Variants in ADAMTSL1 observed in about 807,000 individuals in gnomAD.
The protein encoded by ADAMTSL1 is ADAMTS-like protein 1.
A neutral mutation model predicts 201.8 loss-of-function variants in ADAMTSL1; 126 were observed. The ratio of observed to expected loss-of-function variants is 0.62; its 90% CI spans 0.54 to 0.72. The LOEUF (loss-of-function observed/expected upper bound fraction) is 0.72. Ranked by LOEUF, ADAMTSL1 falls within the 30% of genes least tolerant of loss-of-function variation. The pLI is 0.00. For missense variants in ADAMTSL1, 2,679 were observed against 2,277.8 expected (o/e 1.18, Z -3.59); for synonymous variants, 1,121 against 903.4 (o/e 1.24, Z -4.32).
In ADAMTSL1 at chr9:18,736,853, A is replaced by T. The variant is rs186186736; in HGVS notation, c.2006+15188A>T. On this transcript the variant is annotated intron_variant, in intron 15 of 28. Transcript: ENST00000380548. ...TAAACTTTAAATGGAAGCCTACCCC[A>T]ACATTTATGCCATTTCCATAACTGT... Among the ~76,000 whole-genome samples the T allele has an allele frequency of 4.6e-5, 7 of 152,286 alleles. No individual in the cohort carries two copies. In the East Asian group the frequency reaches 1.4e-3, roughly 29 times the overall value.
intron 1 of ADAMTSL1, among the ~76,000 whole-genome samples, chr9:18,028,819 G>C (rs938116986): frequency 6.6e-6 from 1 of 152,094 alleles, no homozygotes; most frequent in East Asian, 1.9e-4. Context: ...TAGCTTGATG[G>C]GGATGGCACT....
intron 2 of ADAMTSL1, among the ~76,000 whole-genome samples, chr9:18,403,589 TA>T (rs945662105): frequency 7.2e-5 from 11 of 152,176 alleles, no homozygotes; most frequent in African/African-American, 2.7e-4. Context: ...AAACTATCAC[TA>T]AATAGGTGTT....
chr9:18,471,613 A>G (rs1353317914), upstream of ADAMTSL1, among the ~76,000 whole-genome samples: 1 of 152,158 alleles, frequency 6.6e-6, no homozygotes, highest in African/African-American at 2.4e-5. Context: ...GTAAATTTGT[A>G]ATTTCACCTG....
At chr9:17,967,289 T>C (rs894106509) in intron 1 of ADAMTSL1, among the ~76,000 whole-genome samples, 10 of 152,146 alleles carry the variant, frequency 6.6e-5, no homozygotes, top group African/African-American at 1.9e-4. Flanking sequence ...TGGCAACTTA[T>C]AGTAATTTGT....
intron 1 of ADAMTSL1, among the ~76,000 whole-genome samples, chr9:18,018,661 C>G (rs1302425037): frequency 6.6e-6 from 1 of 151,994 alleles, no homozygotes. Context: ...ATTAAACTCC[C>G]CACTCCCTCA....
At chr9:18,867,687 T>C (rs1588271520) in intron 23 of ADAMTSL1, among the ~76,000 whole-genome samples, 2 of 152,118 alleles carry the variant, frequency 1.3e-5, no homozygotes, top group Non-Finnish European at 2.9e-5. Flanking sequence ...AGTGCAGTGG[T>C]GTGATCTCAG....
At chr9:18,205,488 C>G (rs1045840712) in intron 2 of ADAMTSL1, among the ~76,000 whole-genome samples, 1 of 151,272 alleles carries the variant, frequency 6.6e-6, no homozygotes, top group African/African-American at 2.4e-5. Flanking sequence ...GAAAAAAAAA[C>G]GAAAAGTTTT....
chr9:18,862,458 C>T (rs2131421879), intron 23 of ADAMTSL1, among the ~76,000 whole-genome samples: 1 of 152,274 alleles, frequency 6.6e-6, no homozygotes, highest in Non-Finnish European at 1.5e-5. Context: ...ATAGAGTCCG[C>T]AGGTTTTCCT....
chr9:18,854,552 T>A (rs911029427), intron 23 of ADAMTSL1, among the ~76,000 whole-genome samples: 1 of 152,152 alleles, frequency 6.6e-6, no homozygotes, highest in Non-Finnish European at 1.5e-5. Flanking sequence ...CTTTTAAATT[T>A]TGAATCAAGT....
chr9:18,659,575 G>A (rs1380794208), intron 8 of ADAMTSL1, among the ~76,000 whole-genome samples: 2 of 152,168 alleles, frequency 1.3e-5, no homozygotes, highest in African/African-American at 4.8e-5. Context: ...GACCAGTCTG[G>A]CCAACATGGT....
At chr9:18,514,764 T>G (rs1255883443) in intron 2 of ADAMTSL1, among the ~76,000 whole-genome samples, 1 of 152,210 alleles carries the variant, frequency 6.6e-6, no homozygotes, top group Non-Finnish European at 1.5e-5. Context: ...CTTCCTTTCT[T>G]TTTTGGATGC....
chr9:18,493,011 A>G (rs1277303935), intron 1 of ADAMTSL1, among the ~76,000 whole-genome samples: 2 of 152,242 alleles, frequency 1.3e-5, no homozygotes, highest in African/African-American at 4.8e-5. Flanking sequence ...TCCATTGAAC[A>G]TTAAACTCTG....
At chr9:18,184,701 C>T (rs1301686923) in intron 2 of ADAMTSL1, among the ~76,000 whole-genome samples, 10 of 152,112 alleles carry the variant, frequency 6.6e-5, no homozygotes. Context: ...GAGAGTTGAT[C>T]AGTATTTTCA....
intron 2 of ADAMTSL1, among the ~76,000 whole-genome samples, chr9:18,261,149 T>A (rs532410559): frequency 6.6e-6 from 1 of 151,618 alleles, no homozygotes; most frequent in South Asian, 2.1e-4. Context: ...AGAGTGGCAG[T>A]CTGTCCAGCA....
In ADAMTSL1 at chr9:18,287,652, TATACAC is replaced by T. The variant is rs1563860162; in HGVS notation, c.207+123675_207+123680del. Among the ~76,000 whole-genome samples the T allele has an allele frequency of 2.3e-3, 336 of 143,574 alleles. 2 individuals carry two copies. Among genetic ancestry groups the T allele is most frequent in the African/African-American group, 7.6e-3 (299 of 39,580 alleles). The allele number at this position is 143,574 out of a possible 152,430, so 94.2% of individuals were successfully genotyped here. Reference sequence around the variant, plus strand: ...ATACGCATATATGTATGTGTATACATATACACATATATGTATGTGTATACATACATA... The same window carrying T: ...ATACGCATATATGTATGTGTATACATATATATGTATGTGTATACATACATA... On this transcript the variant is annotated intron_variant, in intron 2 of 29. Coordinates refer to the ADAMTSL1 transcript ENST00000680146.
At chr9:18,710,358 A>G (rs1832489640) in intron 14 of ADAMTSL1, among the ~76,000 whole-genome samples, 1 of 152,116 alleles carries the variant, frequency 6.6e-6, no homozygotes, top group East Asian at 1.9e-4. Context: ...CACCCACCAC[A>G]CTGGGCTCCA....
chr9:18,540,329 C>T (rs1820050655), intron 3 of ADAMTSL1, among the ~76,000 whole-genome samples: 1 of 152,138 alleles, frequency 6.6e-6, no homozygotes, highest in South Asian at 2.1e-4. Context: ...TACACTTGAT[C>T]TTAGCCAAAA....
At chr9:18,433,259 T>C (rs1320234522) in intron 2 of ADAMTSL1, among the ~76,000 whole-genome samples, 3 of 152,128 alleles carry the variant, frequency 2.0e-5, no homozygotes, top group Non-Finnish European at 4.4e-5. Context: ...CATTAATTCT[T>C]AATATAGATT....
chr9:18,480,842 G>C (rs1055855229), intron 1 of ADAMTSL1, among the ~76,000 whole-genome samples: 1 of 152,096 alleles, frequency 6.6e-6, no homozygotes, highest in Non-Finnish European at 1.5e-5. Flanking sequence ...TAGGAAAATG[G>C]GTCCATTTTT....
Sources: gnomAD v4.1 joint callset for allele counts (sites outside exome capture counted in the v4.1 genomes callset) on GRCh38, gnomAD v4.1.1 for gene constraint, MANE v1.5 for transcripts, NCBI Gene and HGNC (gene_info 2026-07-23, HGNC 2026-07-21) for gene names.